Variants in RNF217 observed in about 807,000 individuals in gnomAD.
The protein encoded by RNF217 is ring finger protein 217.
RNF217 carries 31 observed loss-of-function variants against 57.8 expected under a neutral mutation model. The observed-to-expected ratio is 0.54, with a 90% CI of 0.40 to 0.72. RNF217 has a LOEUF of 0.72. Ranked by LOEUF, RNF217 falls within the 30% of genes least tolerant of loss-of-function variation. RNF217 has a pLI of 0.00. For missense variants in RNF217, 696 were observed against 708.3 expected, an observed-to-expected ratio of 0.98 and a Z score of 0.20; for synonymous variants, 313 against 294.0, an observed-to-expected ratio of 1.06 and a Z score of -0.66.
intron 5 of RNF217, 92 bp downstream of exon 5, chr6:125,081,599 A>G (rs750393778): frequency 2.1e-4 from 216 of 1,020,354 alleles, no homozygotes; most frequent in Middle Eastern, 1.9e-3. Context: ...TCAGTTATTA[A>G]GTGGACATAA....
intron 1 of RNF217, among the ~76,000 whole-genome samples, chr6:124,990,104 A>G (rs565070339): frequency 6.6e-6 from 1 of 152,274 alleles, no homozygotes; most frequent in East Asian, 1.9e-4. Context: ...TTATCACTCT[A>G]TCCTCCTTGA....
intron 5 of RNF217, 107 bp downstream of exon 5, chr6:125,081,614 T>C (rs1788577750): frequency 2.3e-6 from 2 of 866,774 alleles, no homozygotes; most frequent in Non-Finnish European, 3.6e-6. Flanking sequence ...ACATAATTTA[T>C]GTTGTATGCC....
intron 1 of RNF217, among the ~76,000 whole-genome samples, chr6:124,988,785 A>G (rs935122610): frequency 1.3e-5 from 2 of 152,210 alleles, no homozygotes; most frequent in Non-Finnish European, 2.9e-5. Flanking sequence ...TATTCCACAG[A>G]GAATGTTCAT....
intron 1 of RNF217, among the ~76,000 whole-genome samples, chr6:124,991,021 C>G (rs1277443734): frequency 2.0e-5 from 3 of 152,160 alleles, no homozygotes; most frequent in East Asian, 3.9e-4. Flanking sequence ...GAGCCAAGAT[C>G]ACACCACTGC....
chr6:125,056,130 C>T (rs1290568601), intron 2 of RNF217, among the ~76,000 whole-genome samples: 1 of 152,132 alleles, frequency 6.6e-6, no homozygotes, highest in Non-Finnish European at 1.5e-5. Flanking sequence ...TTGACTACTA[C>T]ATTTTAAGTT....
intron 5 of RNF217, among the ~76,000 whole-genome samples, chr6:125,082,112 G>T (rs972890746): frequency 2.0e-5 from 3 of 152,066 alleles, no homozygotes; most frequent in African/African-American, 7.2e-5. Context: ...GCTGGTTTCG[G>T]TCTGCAGTTT....
At chr6:125,003,742 A>G (rs1010278465) in intron 1 of RNF217, among the ~76,000 whole-genome samples, 3 of 152,162 alleles carry the variant, frequency 2.0e-5, no homozygotes, top group African/African-American at 7.2e-5. Flanking sequence ...ACAGGTAGTT[A>G]TAGCAAAGGA....
chr6:125,048,873 A>G (rs1455862517), intron 2 of RNF217, among the ~76,000 whole-genome samples: 4 of 152,142 alleles, frequency 2.6e-5, no homozygotes, highest in Admixed American at 6.6e-5. Flanking sequence ...ATAGAGCTTT[A>G]TATTATGTTC....
intron 1 of RNF217, chr6:124,983,381 G>A: frequency 1.0e-6 from 1 of 984,996 alleles, no homozygotes. Context: ...ATACAGAGGA[G>A]GACACAAACA....
At chr6:125,058,380 A>G (rs1009136000) in intron 3 of RNF217, among the ~76,000 whole-genome samples, 1 of 152,188 alleles carries the variant, frequency 6.6e-6, no homozygotes, top group African/African-American at 2.4e-5. Flanking sequence ...TTTAAAAATG[A>G]GGATGTACTT....
At chr6:125,019,553 G>A (rs911020337) in intron 1 of RNF217, among the ~76,000 whole-genome samples, 1 of 151,650 alleles carries the variant, frequency 6.6e-6, no homozygotes, top group Non-Finnish European at 1.5e-5. Flanking sequence ...TTATTTTTTA[G>A]CTTTCTATAC....
rs6933898 is a variant in RNF217 at position 124,962,663 on chromosome 6, C to A, written c.119C>A (p.Ala40Glu). ...AGGCCTCAGGGGGACAGCGCCCGGG[C>A]GCCCCCGCTGCGCGCCGCCTCCGCG... ...PPRPQGDSAR[A>E]PPLRAASAEP... Residue 40 changes from alanine (A) to glutamate (E), a missense_variant, in exon 1 of 6, where the codon GCG (alanine) becomes GAG (glutamate). Transcript: ENST00000521654. This position sits in a 1 kb window ranked among gnomAD's most constrained non-coding sequence, Gnocchi z 4.6. The A allele has an allele frequency of 9.6e-4, 1,279 of 1,335,074 alleles. 8 individuals are homozygous for A. In the African/African-American group the frequency reaches 0.018, roughly 19 times the overall value. 82.7% of individuals were successfully genotyped at this position (1,335,074 alleles called of 1,614,324 possible). A position where few individuals can be genotyped will look rare whatever the true frequency, so the allele number is the denominator to read the frequency against.
Position 125,082,913 on chromosome 6 carries a change from A to G in RNF217, c.1605A>G (p.Arg535=), listed in dbSNP as rs1306249720. 1 of 1,604,950 alleles carries G rather than the reference A, an allele frequency of 6.2e-7. No homozygotes were observed. Among genetic ancestry groups the G allele is most frequent in the South Asian group, 1.1e-5 (1 of 89,094 alleles). Residue 535 remains arginine (R), a synonymous_variant, in exon 6 of 6, where the codon CGA becomes CGG. Transcript: ENST00000521654. ...IYCLCKKQRK[R]SRTGMHW ...GCCTTTGTAAAAAACAGAGAAAACG[A>G]TCACGGACAGGTATGCACTGGTAAC...
chr6:124,992,755 T>G (rs1562457201), intron 1 of RNF217, among the ~76,000 whole-genome samples: 1 of 152,190 alleles, frequency 6.6e-6, no homozygotes, highest in Non-Finnish European at 1.5e-5. Context: ...ATGATTTTTT[T>G]TGTCAAATTC....
intron 3 of RNF217, among the ~76,000 whole-genome samples, chr6:125,063,749 G>A (rs532700262): frequency 1.2e-4 from 19 of 152,042 alleles, no homozygotes; most frequent in African/African-American, 4.6e-4. Flanking sequence ...TTGTAAACAA[G>A]AGGTAATTAC....
At chr6:125,055,727 A>G (rs984976852) in intron 2 of RNF217, among the ~76,000 whole-genome samples, 1 of 152,192 alleles carries the variant, frequency 6.6e-6, no homozygotes, top group African/African-American at 2.4e-5. Context: ...ACTTAATGTT[A>G]GATGCATAAG....
chr6:124,998,378 C>G (rs934471218), intron 1 of RNF217, among the ~76,000 whole-genome samples: 1 of 152,216 alleles, frequency 6.6e-6, no homozygotes, highest in African/African-American at 2.4e-5. Context: ...ACGAATTCAA[C>G]TTTTCCTAAA....
At chr6:125,017,003 C>T (rs952178458) in intron 1 of RNF217, among the ~76,000 whole-genome samples, 5 of 152,116 alleles carry the variant, frequency 3.3e-5, no homozygotes, top group Non-Finnish European at 4.4e-5. Context: ...TGGGATACTA[C>T]GTAGCCATGA....
intron 3 of RNF217, among the ~76,000 whole-genome samples, chr6:125,059,245 A>ATATT (rs1420163676): frequency 6.6e-6 from 1 of 152,154 alleles, no homozygotes; most frequent in Non-Finnish European, 1.5e-5. Flanking sequence ...ATGTCTAAAG[A>ATATT]TATTTGGCCT....
Sources: gnomAD v4.1 joint callset for allele counts (sites outside exome capture counted in the v4.1 genomes callset) on GRCh38, gnomAD v4.1.1 for gene constraint, Gnocchi (gnomAD v3.1) non-coding constraint, MANE v1.5 for transcripts, NCBI Gene and HGNC (gene_info 2026-07-23, HGNC 2026-07-21) for gene names.